USP34: variants seen among roughly 807,000 people sequenced by gnomAD.
USP34 encodes ubiquitin carboxyl-terminal hydrolase 34.
In USP34, 70 loss-of-function variants were observed where a neutral mutation model predicts 460.3. That is an observed-to-expected ratio of 0.15 (90% CI 0.13 to 0.19). The LOEUF is 0.19. Among genes scored for constraint, USP34 ranks in the 10% least tolerant of loss-of-function variants. USP34 has a pLI of 1.00. For missense variants in USP34, 3,985 were observed against 4,236.2 expected (o/e 0.94, Z 1.65); for synonymous variants, 1,647 against 1,405.3 (o/e 1.17, Z -3.85).
At chr2:61,326,384 G>A (rs539934688) in intron 20 of USP34, among the ~76,000 whole-genome samples, 3 of 152,050 alleles carry the variant, frequency 2.0e-5, no homozygotes, top group South Asian at 4.2e-4. Context: ...CACCACACCC[G>A]GCTAATTTTT....
intron 1 of USP34, among the ~76,000 whole-genome samples, chr2:61,431,877 T>C (rs1324130530): frequency 6.6e-6 from 1 of 151,500 alleles, no homozygotes; most frequent in African/African-American, 2.4e-5. Context: ...AAATAAAAGA[T>C]AAATAAATAG....
At chr2:61,429,180 G>C (rs1318967233) in intron 1 of USP34, among the ~76,000 whole-genome samples, 1 of 152,126 alleles carries the variant, frequency 6.6e-6, no homozygotes, top group East Asian at 1.9e-4. Context: ...AGGCACAGTG[G>C]CTCACGCCTG....
chr2:61,432,113 A>T (rs982860290), intron 1 of USP34, among the ~76,000 whole-genome samples: 3 of 151,792 alleles, frequency 2.0e-5, no homozygotes, highest in African/African-American at 7.3e-5. Flanking sequence ...GGCCAAGGCA[A>T]GATTTGCTTG....
intron 41 of USP34, among the ~76,000 whole-genome samples, chr2:61,276,038 T>C (rs1055881393): frequency 6.6e-6 from 1 of 152,208 alleles, no homozygotes; most frequent in Admixed American, 6.5e-5. Context: ...AACCATATAC[T>C]GACTGAACAA....
chr2:61,259,456 C>G (rs1278672945), intron 44 of USP34, among the ~76,000 whole-genome samples: 1 of 151,660 alleles, frequency 6.6e-6, no homozygotes, highest in Non-Finnish European at 1.5e-5. Context: ...AGTGAGATCT[C>G]AGCTTGCTGC....
rs181047226 is a variant in USP34 at position 61,430,606 on chromosome 2, A to G, written c.44-9773T>C. 1.4e-3 allele frequency among the ~76,000 whole-genome samples: 215 copies of G among 152,280 alleles called. 2 individuals are homozygous for G. The highest frequency in any genetic ancestry group is 0.011 in the Admixed American group (173 of 15,296). ...AAACACATACCCTTACAATAGACTA[A>G]CCTTATTGTATGTAAATTATATAAC... On this transcript the variant is annotated intron_variant, in intron 1 of 79. Coordinates refer to ENST00000398571, the MANE Select transcript of USP34 (RefSeq NM_014709.4).
At chr2:61,406,914 G>A (rs1317449518) in intron 2 of USP34, among the ~76,000 whole-genome samples, 1 of 152,084 alleles carries the variant, frequency 6.6e-6, no homozygotes, top group African/African-American at 2.4e-5. Flanking sequence ...GGAGGCTGAG[G>A]TAGGAGAATC....
rs1421503733 is a variant in USP34 at position 61,317,772 on chromosome 2, G to C, written c.3169-5C>G. 1 of 1,609,692 alleles carries C rather than the reference G, an allele frequency of 6.2e-7. No individual in the cohort carries two copies. Among genetic ancestry groups the C allele is most frequent in the Non-Finnish European group, 8.5e-7 (1 of 1,176,426 alleles). On this transcript the variant is annotated splice_polypyrimidine_tract_variant and splice_region_variant and intron_variant, in intron 22 of 79. Transcript: ENST00000398571. ...TTCAGGTTTTAGCTGGGGCATCTTT[G>C]GAAGGGTAGGGGGAAACACAAAGCT... is the stretch of plus-strand genomic sequence containing the variant.
At chr2:61,222,367 T>G (rs1447533833) in intron 65 of USP34, among the ~76,000 whole-genome samples, 1 of 152,234 alleles carries the variant, frequency 6.6e-6, no homozygotes, top group African/African-American at 2.4e-5. Context: ...CAAACAACTT[T>G]AAAGCCTGGC....
intron 15 of USP34, among the ~76,000 whole-genome samples, chr2:61,345,255 C>T (rs934947942): frequency 6.7e-6 from 1 of 149,292 alleles, no homozygotes; most frequent in South Asian, 2.1e-4. Context: ...GCCTGAACAA[C>T]AGAGTGTGAC....
rs926076478 is a variant in USP34, at chr2:61,346,527, TAAAAAAAAAAA to T, written c.2285+1332_2285+1342del. Among the ~76,000 whole-genome samples, 3 of 44,270 alleles carry T rather than the reference TAAAAAAAAAAA, an allele frequency of 6.8e-5. No homozygotes were observed. The East Asian group carries it at 2.2e-3, about 32-fold the overall frequency. 29.0% of individuals were successfully genotyped at this position (44,270 alleles called of 152,430 possible). A position where few individuals can be genotyped will look rare whatever the true frequency, so the allele number is the denominator to read the frequency against. ...GGTGACAAAGTGAGACCCTATCTCT[TAAAAAAAAAAA>T]AAAAAAAAAAAAAAAGGCCAGGTGC... On this transcript the variant is annotated intron_variant, in intron 15 of 79. Transcript: ENST00000398571.
At chr2:61,253,741 T>C (rs1448654841) in intron 48 of USP34, among the ~76,000 whole-genome samples, 1 of 151,220 alleles carries the variant, frequency 6.6e-6, no homozygotes, top group East Asian at 1.9e-4. Context: ...TTTATTGCTT[T>C]TTTTTTTTTT....
chr2:61,387,657 T>G (rs1693196629), intron 5 of USP34, among the ~76,000 whole-genome samples: 1 of 147,296 alleles, frequency 6.8e-6, no homozygotes, highest in African/African-American at 2.5e-5. Context: ...AATATATATT[T>G]TACATATGCA....
chr2:61,448,105 C>T (rs180674419), intron 1 of USP34, among the ~76,000 whole-genome samples: 1 of 152,204 alleles, frequency 6.6e-6, no homozygotes, highest in South Asian at 2.1e-4. Context: ...ATGCCACTGT[C>T]TTTCTTCATA....
intron 16 of USP34, among the ~76,000 whole-genome samples, chr2:61,341,883 G>T (rs866796359): frequency 6.7e-6 from 1 of 148,890 alleles, no homozygotes; most frequent in Non-Finnish European, 1.5e-5. Flanking sequence ...CTGCCTCAGC[G>T]TCCCGAGTAG....
Position 61,235,899 on chromosome 2 carries a change from A to C in USP34, c.6978T>G (p.Leu2326=). 1 of 1,613,608 alleles carries C rather than the reference A, an allele frequency of 6.2e-7. No individual in the cohort carries two copies. Among genetic ancestry groups the C allele is most frequent in the East Asian group, 2.2e-5 (1 of 44,858 alleles). Residue 2326 remains leucine (L), a synonymous_variant, in exon 57 of 80, where the codon CTT becomes CTG. Transcript: ENST00000398571. ...FIHSKEKPTM[L]QWIELLTKQF... is the part of the protein sequence containing the mutation. ...GTTTCGTCAACAGTTCAATCCACTGAAGCATCGTGGGCTAGAAAAGAAAAG... is the reference window on the plus strand; with the variant it reads ...GTTTCGTCAACAGTTCAATCCACTGCAGCATCGTGGGCTAGAAAAGAAAAG...
intron 1 of USP34, among the ~76,000 whole-genome samples, chr2:61,467,098 G>A (rs1261744923): frequency 6.6e-6 from 1 of 151,660 alleles, no homozygotes; most frequent in Admixed American, 6.6e-5. Context: ...ACGGTAAGGA[G>A]TTCAGACCAG....
At chr2:61,234,780 C>T (rs536321424) in intron 57 of USP34, among the ~76,000 whole-genome samples, 2 of 152,062 alleles carry the variant, frequency 1.3e-5, no homozygotes, top group Non-Finnish European at 2.9e-5. Context: ...GTTGGGATTA[C>T]AAGTGCACAC....
chr2:61,290,665 G>A (rs945438649), intron 33 of USP34, among the ~76,000 whole-genome samples: 1 of 151,956 alleles, frequency 6.6e-6, no homozygotes, highest in African/African-American at 2.4e-5. Context: ...ACTGCAGGAC[G>A]GAACTTCTTA....
Sources: allele counts gnomAD v4.1 joint callset (sites outside exome capture counted in the v4.1 genomes callset), GRCh38; gene constraint gnomAD v4.1.1; transcripts MANE v1.5; gene names NCBI Gene and HGNC (gene_info 2026-07-23, HGNC 2026-07-21).